The following METTL22 variants were observed in gnomAD, a reference collection of about 807,000 sequenced individuals.
METTL22 encodes the protein methyltransferase 22, Kin17 lysine, also known as methyltransferase-like protein 22.
A neutral mutation model predicts 48.4 loss-of-function variants in METTL22; 51 were observed. The observed-to-expected ratio is 1.05, with a 90% CI of 0.84 to 1.33. The LOEUF is 1.33. Ranked by LOEUF, METTL22 falls within the 40% of genes most tolerant of loss-of-function variation. The pLI, the probability that METTL22 is intolerant of heterozygous loss-of-function variation, is 0.00. For missense variants in METTL22, 678 were observed against 526.9 expected (o/e 1.29, Z -2.81); for synonymous variants, 255 against 214.1 (o/e 1.19, Z -1.67).
At chr16:8,644,199 T>C (rs2056711926) in intron 9 of METTL22, among the ~76,000 whole-genome samples, 1 of 152,160 alleles carries the variant, frequency 6.6e-6, no homozygotes, top group Non-Finnish European at 1.5e-5. Context: ...CTCAGATAGT[T>C]ATGCGCAGCT....
intron 9 of METTL22, 82 bp downstream of exon 9, chr16:8,642,647 T>A: frequency 1.1e-5 from 14 of 1,269,146 alleles, no homozygotes; most frequent in Non-Finnish European, 1.6e-5. Context: ...CTTGTCAGTG[T>A]CATTATGATT....
chr16:8,622,842 G>A (rs1446780656), intron 1 of METTL22, among the ~76,000 whole-genome samples: 1 of 152,170 alleles, frequency 6.6e-6, no homozygotes, highest in Non-Finnish European at 1.5e-5. Context: ...TTACATTGCA[G>A]CGTACATTTC....
At chr16:8,659,747 A>T in the METTL22 span, among the ~76,000 whole-genome samples, 1 of 151,540 alleles carries the variant, frequency 6.6e-6, no homozygotes, top group Admixed American at 6.6e-5. Flanking sequence ...TTTTCCAGAC[A>T]GCGTCTTACC....
intron 9 of METTL22, chr16:8,642,821 A>C: frequency 1.8e-6 from 1 of 548,296 alleles, no homozygotes; most frequent in South Asian, 2.1e-5. Context: ...GGCCTTGGCC[A>C]GGGCACGGCT....
At chr16:8,644,842 G>A (rs575875677) in intron 10 of METTL22, 117 bp downstream of exon 10, 5 of 1,150,342 alleles carry the variant, frequency 4.3e-6, no homozygotes, top group East Asian at 5.9e-5. Context: ...AGTCCTGCAG[G>A]GGGTGAAGCC....
At chr16:8,637,221 C>G (rs1408869853) in intron 5 of METTL22, among the ~76,000 whole-genome samples, 1 of 152,176 alleles carries the variant, frequency 6.6e-6, no homozygotes, top group East Asian at 1.9e-4. Flanking sequence ...AAGGAAGAAG[C>G]TAGAGATCAC....
At position 8,646,492 on chromosome 16, in the gene METTL22, A is replaced by G. The variant is rs550163629; in HGVS notation, c.*349A>G. The G allele has an allele frequency of 2.2e-5, 12 of 540,302 alleles. No individual in the cohort carries two copies. The highest frequency in any genetic ancestry group is 6.7e-5 in the Admixed American group (3 of 44,946). The allele number at this position is 540,302 out of a possible 1,614,324, so 33.5% of individuals were successfully genotyped here. ...GGTTGCGGCCCTGGCTGTGAGGTGG[A>G]TTCTTGTACTGCCCTCTGTCAGCTG... On this transcript the variant is annotated 3_prime_UTR_variant, in exon 11 of 11. Coordinates refer to ENST00000381920, the MANE Select transcript of METTL22 (RefSeq NM_024109.4).
chr16:8,633,681 A>C (rs1046546984), intron 3 of METTL22, among the ~76,000 whole-genome samples: 12 of 152,246 alleles, frequency 7.9e-5, no homozygotes, highest in Non-Finnish European at 2.9e-5. Context: ...CTCTGTGACC[A>C]CAGCCTGCTA....
chr16:8,625,883 A>G, intron 2 of METTL22, 85 bp downstream of exon 2: 1 of 1,531,650 alleles, frequency 6.5e-7, no homozygotes. Context: ...AATATTGGGA[A>G]GACTGGATTA....
chr16:8,663,016 T>G, the METTL22 span, among the ~76,000 whole-genome samples: 1 of 149,162 alleles, frequency 6.7e-6, no homozygotes, highest in Admixed American at 6.8e-5. Flanking sequence ...GAGACCAGCC[T>G]GGCCAACATG....
In METTL22 at chr16:8,628,898, A is replaced by G. The variant is rs2056155467; in HGVS notation, c.302A>G (p.Gln101Arg). 6.2e-7 allele frequency: 1 copy of G among 1,613,884 alleles called. No homozygotes were observed. The highest frequency in any genetic ancestry group is 8.5e-7 in the Non-Finnish European group (1 of 1,180,020). The change falls in exon 3 of 11, where the codon CAG becomes CGG. Residue 101 changes from glutamine to arginine, a missense_variant. By Grantham distance (43) the Gln-to-Arg change is conservative. Coordinates refer to ENST00000381920, the MANE Select transcript of METTL22 (RefSeq NM_024109.4). Reference protein sequence around the residue: ...SGHGNEGFSLQAGTDTTGQEV... With the variant: ...SGHGNEGFSLRAGTDTTGQEV... ...CATGGTAATGAGGGTTTCTCCCTCC[A>G]GGCCGGGACTGACACCACTGGCCAG... is the stretch of plus-strand genomic sequence containing the variant.
At chr16:8,662,516 G>C in the METTL22 span, among the ~76,000 whole-genome samples, 4 of 144,652 alleles carry the variant, frequency 2.8e-5, no homozygotes, top group East Asian at 8.0e-4. Flanking sequence ...ATGTGGGAGC[G>C]TTTCTTGGGG....
intron 5 of METTL22, 58 bp from the exon 6 acceptor site, chr16:8,639,033 A>G: frequency 5.1e-6 from 8 of 1,562,154 alleles, no homozygotes; most frequent in Non-Finnish European, 7.1e-6. Context: ...GGCAAAAAAC[A>G]TGGAGATAAA....
chr16:8,663,112 A>G, the METTL22 span, among the ~76,000 whole-genome samples: 1 of 150,648 alleles, frequency 6.6e-6, no homozygotes, highest in Non-Finnish European at 1.5e-5. Flanking sequence ...AGGCTGAGGT[A>G]GGAGAATCAC....
chr16:8,642,568 G>A lies in METTL22; in HGVS notation c.1010+3G>A. ...GCCATACTGTCGGTGGAGAAGAGGT[G>A]AGCTTTGCGCCACGGGAACCGTGCT... On this transcript the variant is annotated splice_donor_region_variant and intron_variant, in intron 9 of 10. Transcript: ENST00000381920. 6.2e-7 allele frequency: 1 copy of A among 1,614,004 alleles called. No individual in the cohort carries two copies. Among genetic ancestry groups the A allele is most frequent in the Non-Finnish European group, 8.5e-7 (1 of 1,179,866 alleles).
chr16:8,629,224 T>C (rs887047405), intron 3 of METTL22, 114 bp downstream of exon 3: 5 of 1,389,624 alleles, frequency 3.6e-6, no homozygotes, highest in Non-Finnish European at 2.9e-6. Flanking sequence ...GCACAGGTTA[T>C]GAGAACCAGC....
At chr16:8,644,432 C>T (rs1166536862) in intron 9 of METTL22, 125 bp from the exon 10 acceptor site, 9 of 916,070 alleles carry the variant, frequency 9.8e-6, no homozygotes, top group African/African-American at 3.4e-5. Context: ...ATGAGACAGG[C>T]GCTCAGTAAA....
chr16:8,654,111 A>G (rs1344170203), downstream of METTL22, among the ~76,000 whole-genome samples: 1 of 152,230 alleles, frequency 6.6e-6, no homozygotes, highest in Non-Finnish European at 1.5e-5. Flanking sequence ...TTTTAGATAC[A>G]TTAGCTCAGT....
At chr16:8,641,236 A>G (rs1347228556) in intron 7 of METTL22, 52 bp downstream of exon 7, 5 of 1,569,652 alleles carry the variant, frequency 3.2e-6, no homozygotes, top group Non-Finnish European at 4.4e-6. Context: ...TTCCTTTGTA[A>G]TACCTCAGTG....
Sources: allele counts gnomAD v4.1 joint callset (sites outside exome capture counted in the v4.1 genomes callset), GRCh38; gene constraint gnomAD v4.1.1; transcripts MANE v1.5; gene names NCBI Gene and HGNC (gene_info 2026-07-23, HGNC 2026-07-21).